Variants in UGT2B15 observed in about 807,000 individuals in gnomAD.
UGT2B15 encodes UDP glucuronosyltransferase family 2 member B15.
In UGT2B15, 36 loss-of-function variants were observed where a neutral mutation model predicts 45.9. The ratio of observed to expected loss-of-function variants is 0.78; its 90% CI spans 0.60 to 1.04. The LOEUF (loss-of-function observed/expected upper bound fraction) is 1.04. Among genes scored for constraint, UGT2B15 ranks in the 50% least tolerant of loss-of-function variants. The pLI is 0.00. For synonymous variants in UGT2B15, 219 were observed against 216.4 expected (o/e 1.01, Z -0.11); for missense variants, 617 against 622.4 (o/e 0.99, Z 0.09).
Position 68,654,051 on chromosome 4 carries a change from G to T in UGT2B15, c.1299C>A (p.Val433=). The T allele has an allele frequency of 6.2e-7, 1 of 1,613,256 alleles. No individual in the cohort carries two copies. Among genetic ancestry groups the T allele is most frequent in the Non-Finnish European group, 8.5e-7 (1 of 1,179,414 alleles). ...SRDLLNALKS[V]INDPVYKENV... ...GTAATACTCACACAGGGTCATTAAT[G>T]ACTGACTTCAATGCATTGAGCAAAT... The change falls in exon 5 of 6, where the codon GTC becomes GTA. Residue 433 remains valine, a synonymous_variant. Coordinates refer to ENST00000338206, the MANE Select transcript of UGT2B15 (RefSeq NM_001076.4).
chr4:68,656,183 G>A (rs1181056748), intron 3 of UGT2B15, among the ~76,000 whole-genome samples: 1 of 152,056 alleles, frequency 6.6e-6, no homozygotes, highest in Non-Finnish European at 1.5e-5. Flanking sequence ...TGGAAGGCAG[G>A]TAACTCTATG....
rs773098807 is a variant in UGT2B15 at position 68,647,334 on chromosome 4, T to C, written c.1363A>G (p.Met455Val). 36 of 1,613,818 alleles carry C rather than the reference T, an allele frequency of 2.2e-5. 1 individual carries two copies. The highest frequency in any genetic ancestry group is 2.7e-5 in the Non-Finnish European group (32 of 1,179,772). ...KLSRIHHDQP[M>V]KPLDRAVFWI... ...AAGACTGCTCGATCCAGGGGCTTCA[T>C]TGGTTGGTCATGATGAATTCTTGAT... Residue 455 changes from methionine (M) to valine (V), a missense_variant, in exon 6 of 6, where the codon ATG becomes GTG. Transcript: ENST00000338206.
In UGT2B15 at chr4:68,664,081, G is replaced by T. The variant is rs143016008; in HGVS notation, c.874-942C>A. Among the ~76,000 whole-genome samples the T allele has an allele frequency of 1.3e-3, 205 of 152,146 alleles. 3 individuals carry two copies. The highest frequency in any genetic ancestry group is 4.6e-3 in the African/African-American group (190 of 41,508). Reference sequence around the variant, plus strand: ...GAACCACAGTGGGAGAGGTCACCAGGACTTTCTCCAGTGGAGATCTGCTCA... The same window carrying T: ...GAACCACAGTGGGAGAGGTCACCAGTACTTTCTCCAGTGGAGATCTGCTCA... On this transcript the variant is annotated intron_variant, in intron 2 of 5. Transcript: ENST00000338206.
intron 2 of UGT2B15, among the ~76,000 whole-genome samples, chr4:68,665,168 C>A (rs1578200217): frequency 1.3e-5 from 2 of 152,028 alleles, no homozygotes. Context: ...AATCATTTAC[C>A]CATATCTCTA....
chr4:68,657,253 T>G (rs576010780), intron 3 of UGT2B15, among the ~76,000 whole-genome samples: 1 of 152,138 alleles, frequency 6.6e-6, no homozygotes, highest in African/African-American at 2.4e-5. Flanking sequence ...GTTGACCCCC[T>G]GTGACATGGA....
intron 3 of UGT2B15, among the ~76,000 whole-genome samples, chr4:68,662,637 CT>C (rs1162043882): frequency 6.6e-6 from 1 of 152,022 alleles, no homozygotes; most frequent in Non-Finnish European, 1.5e-5. Context: ...AATTTAACTG[CT>C]TTTTGATAAT....
chr4:68,665,012 C>T (rs1733079440), intron 2 of UGT2B15, among the ~76,000 whole-genome samples: 1 of 152,134 alleles, frequency 6.6e-6, no homozygotes, highest in African/African-American at 2.4e-5. Context: ...CAAAAGTCTG[C>T]TTCACCCACC....
chr4:68,648,237 C>T (rs959498431), intron 5 of UGT2B15, among the ~76,000 whole-genome samples: 8 of 152,056 alleles, frequency 5.3e-5, no homozygotes, highest in African/African-American at 1.9e-4. Context: ...TGTCTTTGGT[C>T]TAGAGAACTC....
intron 3 of UGT2B15, among the ~76,000 whole-genome samples, chr4:68,655,582 C>T (rs181605249): frequency 2.6e-5 from 4 of 152,012 alleles, no homozygotes; most frequent in Non-Finnish European, 5.9e-5. Context: ...TGCCTCATTT[C>T]GAGAGGCTAA....
At position 68,654,168 on chromosome 4, in the gene UGT2B15, A is replaced by G; in HGVS notation, c.1182T>C (p.Ile394=). 2 of 1,613,626 alleles carry G rather than the reference A, an allele frequency of 1.2e-6. No individual in the cohort carries two copies. Among genetic ancestry groups the G allele is most frequent in the Non-Finnish European group, 1.7e-6 (2 of 1,179,694 alleles). ...AIYHGIPMVG[I]PLFADQHDNI... ...TATCATGTTGATCCGCAAACAAGGG[A>G]ATGCCCACCATAGGGATCCCATGGT... The change falls in exon 5 of 6, where the codon ATT becomes ATC. Residue 394 remains isoleucine (I), a synonymous_variant. Transcript: ENST00000338206.
Position 68,669,906 on chromosome 4 carries a change from C to T in UGT2B15, c.713G>A (p.Ser238Asn). 4 of 1,610,196 alleles carry T rather than the reference C, an allele frequency of 2.5e-6. No homozygotes were observed. Among genetic ancestry groups the T allele is most frequent in the South Asian group, 2.2e-5 (2 of 90,298 alleles). The change falls in exon 1 of 6, where the codon AGT (serine) becomes AAT (asparagine). Residue 238 changes from serine (S) to asparagine (N), a missense_variant. Physicochemically the swap from Ser to Asn is conservative, Grantham distance 46. Around this residue, in one of 3 missense-constraint regions of UGT2B15, gnomAD observed 351 missense variants for 342.1 expected, o/e 1.03. Coordinates refer to ENST00000338206, the MANE Select transcript of UGT2B15 (RefSeq NM_001076.4). The stretch of plus-strand genomic sequence containing the variant: ...GACACATGACTTACCTAGAACTTCA[C>T]TATAAAACTGGTCCCACTTCTTCAG... The part of the protein sequence containing the change: ...YDLKKWDQFY[S>N]EVLGRPTTLF...
At chr4:68,661,713 G>A (rs1247390091) in intron 3 of UGT2B15, among the ~76,000 whole-genome samples, 1 of 152,024 alleles carries the variant, frequency 6.6e-6, no homozygotes, top group African/African-American at 2.4e-5. Context: ...ACTATCAAGT[G>A]CTACTTTCAG....
intron 3 of UGT2B15, among the ~76,000 whole-genome samples, chr4:68,660,492 T>G (rs1184864547): frequency 6.6e-6 from 1 of 151,726 alleles, no homozygotes; most frequent in Non-Finnish European, 1.5e-5. Flanking sequence ...TAAAAGCCTA[T>G]GTAAATAAAA....
At chr4:68,662,131 A>T (rs761770165) in intron 3 of UGT2B15, among the ~76,000 whole-genome samples, 33 of 152,232 alleles carry the variant, frequency 2.2e-4, no homozygotes, top group Middle Eastern at 3.4e-3. Context: ...GCTATGTCAG[A>T]TAAGAAACTA....
At chr4:68,653,764 T>C (rs1732721787) in intron 5 of UGT2B15, among the ~76,000 whole-genome samples, 1 of 152,032 alleles carries the variant, frequency 6.6e-6, no homozygotes, top group African/African-American at 2.4e-5. Flanking sequence ...TCATTGTGCA[T>C]TCTATCATTA....
At chr4:68,656,450 T>C (rs540502921) in intron 3 of UGT2B15, among the ~76,000 whole-genome samples, 123 of 151,752 alleles carry the variant, frequency 8.1e-4, no homozygotes, top group African/African-American at 2.9e-3. Context: ...GAACTTTACC[T>C]GACTTGATCA....
intron 5 of UGT2B15, among the ~76,000 whole-genome samples, chr4:68,652,495 T>C (rs1266783001): frequency 1.3e-5 from 2 of 151,712 alleles, no homozygotes; most frequent in Non-Finnish European, 2.9e-5. Context: ...TCATTTCTTG[T>C]CTTACTAATT....
At chr4:68,666,905 C>T (rs1056465453) in intron 2 of UGT2B15, among the ~76,000 whole-genome samples, 1 of 151,588 alleles carries the variant, frequency 6.6e-6, no homozygotes, top group Non-Finnish European at 1.5e-5. Context: ...TGCCAACATG[C>T]CTGGCTAACT....
At chr4:68,653,964 G>C (rs565489735) in intron 5 of UGT2B15, 73 bp downstream of exon 5, 2 of 1,566,746 alleles carry the variant, frequency 1.3e-6, no homozygotes. Context: ...TCTTAAAAAC[G>C]GGTTAAAATT....
Sources: gnomAD v4.1 joint callset for allele counts (sites outside exome capture counted in the v4.1 genomes callset) on GRCh38, gnomAD v4.1.1 for gene constraint, gnomAD v4.1.1 regional missense constraint, MANE v1.5 for transcripts, NCBI Gene and HGNC (gene_info 2026-07-23, HGNC 2026-07-21) for gene names.